Variants in KIAA0040 observed in about 807,000 individuals in gnomAD.
KIAA0040 encodes the protein uncharacterized protein KIAA0040.
In KIAA0040, 10 loss-of-function variants were observed where a neutral mutation model predicts 7.2. The observed-to-expected ratio is 1.38, with a 90% CI of 0.85 to 2.34. KIAA0040 has a LOEUF of 2.34. Ranked by LOEUF, KIAA0040 falls within the 30% of genes most tolerant of loss-of-function variation. The pLI is 0.00. For missense variants in KIAA0040, 89 were observed against 108.2 expected (o/e 0.82, Z 0.79); for synonymous variants, 49 against 40.1 (o/e 1.22, Z -0.84).
At chr1:175,169,587 C>T (rs1175676985) in intron 2 of KIAA0040, among the ~76,000 whole-genome samples, 2 of 152,160 alleles carry the variant, frequency 1.3e-5, no homozygotes, top group African/African-American at 4.8e-5. Flanking sequence ...TTGTCTTTTT[C>T]AAATGTGAGA....
chr1:175,165,541 A>G (rs10489326), intron 3 of KIAA0040, among the ~76,000 whole-genome samples: 86,443 of 152,082 alleles, frequency 0.57, 25,002 homozygotes, highest in East Asian at 0.86. Context: ...GTCTTCAGAA[A>G]TAATCTCCCT....
intron 3 of KIAA0040, among the ~76,000 whole-genome samples, chr1:175,164,358 C>T (rs943005335): frequency 3.9e-5 from 6 of 152,156 alleles, no homozygotes; most frequent in African/African-American, 7.2e-5. Context: ...CGGGAAGCCT[C>T]GTCCATTCCA....
At chr1:175,181,190 C>T (rs922272295) in intron 1 of KIAA0040, among the ~76,000 whole-genome samples, 1 of 151,866 alleles carries the variant, frequency 6.6e-6, no homozygotes, top group African/African-American at 2.4e-5. Flanking sequence ...TATTTGGTAA[C>T]TTCTGCCTGC....
At chr1:175,161,939 TCTC>T (rs1178849983) in intron 3 of KIAA0040, among the ~76,000 whole-genome samples, 1 of 152,186 alleles carries the variant, frequency 6.6e-6, no homozygotes. Flanking sequence ...CTCTCTTTCT[TCTC>T]TATGGGAGAG....
intron 3 of KIAA0040, among the ~76,000 whole-genome samples, chr1:175,163,217 A>G (rs1310883236): frequency 6.6e-6 from 1 of 152,232 alleles, no homozygotes; most frequent in Non-Finnish European, 1.5e-5. Context: ...GAATCTTACA[A>G]TATTTGGCTA....
intron 1 of KIAA0040, among the ~76,000 whole-genome samples, chr1:175,180,158 C>A (rs1240364771): frequency 1.3e-5 from 2 of 152,168 alleles, no homozygotes; most frequent in Non-Finnish European, 2.9e-5. Context: ...GGTCAGAGCC[C>A]CTGCTCTGTG....
At chr1:175,192,832 C>T (rs1323826327), upstream of KIAA0040, 2 of 149,660 alleles carry the variant, frequency 1.3e-5, no homozygotes, top group African/African-American at 4.9e-5. Context: ...CCCCGCCCCG[C>T]CCCGCCCCGC....
At chr1:175,168,208 T>C (rs1226361307) in intron 2 of KIAA0040, among the ~76,000 whole-genome samples, 4 of 152,214 alleles carry the variant, frequency 2.6e-5, no homozygotes, top group Non-Finnish European at 5.9e-5. Flanking sequence ...AGGTGCCCTC[T>C]AATAGAGGTA....
In KIAA0040 at chr1:175,161,096, T is replaced by G. The variant is rs1571183554; in HGVS notation, c.-83A>C. 7.8e-7 allele frequency: 1 copy of G among 1,284,006 alleles called. No individual in the cohort carries two copies. The highest frequency in any genetic ancestry group is 1.5e-5 in the African/African-American group (1 of 66,366). The allele number at this position is 1,284,006 out of a possible 1,614,324, so 79.5% of individuals were successfully genotyped here. ...TCAAAAGGATGCAACCTTGACCACT[T>G]GTAATTTATTCCTCTTCCAGCTTTG... On this transcript the variant is annotated 5_prime_UTR_variant, in exon 4 of 4. Transcript: ENST00000423313.
intron 1 of KIAA0040, among the ~76,000 whole-genome samples, chr1:175,183,763 C>G (rs1390695689): frequency 6.6e-6 from 1 of 152,206 alleles, no homozygotes; most frequent in Non-Finnish European, 1.5e-5. Context: ...AGACTAATCC[C>G]AGGAATGGGC....
intron 2 of KIAA0040, among the ~76,000 whole-genome samples, chr1:175,168,991 AGAGATGG>A (rs1372674878): frequency 2.0e-5 from 3 of 152,162 alleles, no homozygotes; most frequent in African/African-American, 7.2e-5. Context: ...TGGGGATGGC[AGAGATGG>A]GAGGTGTTCC....
At chr1:175,171,492 G>C (rs1676990437) in intron 2 of KIAA0040, among the ~76,000 whole-genome samples, 1 of 152,198 alleles carries the variant, frequency 6.6e-6, no homozygotes, top group African/African-American at 2.4e-5. Flanking sequence ...CCAGGTCACT[G>C]GGGAGAAAGA....
At chr1:175,176,751 A>G (rs1490983103) in intron 2 of KIAA0040, among the ~76,000 whole-genome samples, 1 of 126,062 alleles carries the variant, frequency 7.9e-6, no homozygotes, top group Non-Finnish European at 1.5e-5. Flanking sequence ...TAGCCTCATC[A>G]TGTGCAGTTT....
intron 3 of KIAA0040, among the ~76,000 whole-genome samples, chr1:175,165,747 A>C (rs950762251): frequency 1.3e-5 from 2 of 152,186 alleles, no homozygotes; most frequent in Admixed American, 1.3e-4. Flanking sequence ...GAAGTGTTAC[A>C]GGGGTGGGTC....
At chr1:175,187,199 T>C (rs2101911184) in intron 1 of KIAA0040, among the ~76,000 whole-genome samples, 1 of 152,318 alleles carries the variant, frequency 6.6e-6, no homozygotes, top group South Asian at 2.1e-4. Context: ...GTGGGCAGGA[T>C]TGTATGCCTT....
intron 2 of KIAA0040, among the ~76,000 whole-genome samples, chr1:175,167,894 T>C (rs1049307319): frequency 6.6e-6 from 1 of 152,080 alleles, no homozygotes; most frequent in Non-Finnish European, 1.5e-5. Flanking sequence ...ATATTCTTTT[T>C]TTTTTTCCTT....
intron 3 of KIAA0040, among the ~76,000 whole-genome samples, chr1:175,164,677 G>A (rs1571188617): frequency 6.6e-6 from 1 of 152,224 alleles, no homozygotes; most frequent in East Asian, 1.9e-4. Context: ...TTAACATTTG[G>A]GAAGCCAGTC....
chr1:175,165,566 G>A (rs1676725909), intron 3 of KIAA0040, among the ~76,000 whole-genome samples: 1 of 152,208 alleles, frequency 6.6e-6, no homozygotes. Context: ...TGGTTGGTCT[G>A]TAGGTCTGTG....
chr1:175,159,390 A>G lies in KIAA0040; in HGVS notation c.*1324T>C, dbSNP rs1295257024. 6.6e-6 allele frequency: 1 copy of G among 152,276 alleles called. No homozygotes were observed. The highest frequency in any genetic ancestry group is 1.5e-5 in the Non-Finnish European group (1 of 68,038). 9.4% of individuals were successfully genotyped at this position (152,276 alleles called of 1,614,324 possible). ...AATTAGTGGGCTCACTTAGAAGAGA[A>G]GATCACTCGGGGAGAACTGGTGAGG... is the stretch of plus-strand genomic sequence containing the variant. On this transcript the variant is annotated 3_prime_UTR_variant, in exon 4 of 4. Coordinates refer to ENST00000423313, the MANE Select transcript of KIAA0040 (RefSeq NM_014656.3).
Sources: allele counts gnomAD v4.1 joint callset (sites outside exome capture counted in the v4.1 genomes callset), GRCh38; gene constraint gnomAD v4.1.1; transcripts MANE v1.5; gene names NCBI Gene and HGNC (gene_info 2026-07-23, HGNC 2026-07-21).